SPAM1: variants seen among roughly 807,000 people sequenced by gnomAD.
SPAM1 encodes the protein hyaluronidase PH-20.
SPAM1 carries 22 observed loss-of-function variants against 29.6 expected under a neutral mutation model. The ratio of observed to expected loss-of-function variants is 0.74; its 90% CI spans 0.53 to 1.06. The LOEUF is 1.06. SPAM1 is among the 50% of genes least tolerant of loss of function. SPAM1 has a pLI of 0.00. For missense variants in SPAM1, 534 were observed against 604.0 expected, an observed-to-expected ratio of 0.88 and a Z score of 1.21; for synonymous variants, 194 against 204.6, an observed-to-expected ratio of 0.95 and a Z score of 0.44.
intron 2 of SPAM1, among the ~76,000 whole-genome samples, chr7:123,951,952 G>A (rs1486653537): frequency 6.6e-6 from 1 of 152,014 alleles, no homozygotes; most frequent in Non-Finnish European, 1.5e-5. Context: ...AAATGAACAC[G>A]TGGAAATAGA....
At chr7:123,958,500 C>G (rs1337200339) in intron 4 of SPAM1, among the ~76,000 whole-genome samples, 1 of 151,942 alleles carries the variant, frequency 6.6e-6, no homozygotes, top group East Asian at 1.9e-4. Flanking sequence ...TTCGAGCCAG[C>G]AATTTATAAG....
intron 1 of SPAM1, among the ~76,000 whole-genome samples, chr7:123,937,849 T>A (rs2117032087): frequency 6.6e-6 from 1 of 152,102 alleles, no homozygotes; most frequent in East Asian, 1.9e-4. Flanking sequence ...CCACCTCCCA[T>A]GGGCAGATGG....
chr7:123,954,367 A>G lies in SPAM1; in HGVS notation c.797A>G (p.Asn266Ser), dbSNP rs1792195625. 1.1e-5 allele frequency: 18 copies of G among 1,613,364 alleles called. No individual in the cohort carries two copies. In the East Asian group the frequency reaches 3.8e-4, roughly 34 times the overall value. The change falls in exon 3 of 5, where the codon AAC becomes AGC. Residue 266 changes from asparagine (N) to serine (S), a missense_variant. By Grantham distance (46) the Asn-to-Ser change is conservative. Transcript: ENST00000682466. ...STALYPSIYLNTQQSPVAATL... is the reference protein window; with the variant it reads ...STALYPSIYLSTQQSPVAATL... ...GCTCTTTACCCATCCATTTATTTGA[A>G]CACTCAGCAGTCTCCTGTAGCTGCT...
intron 1 of SPAM1, among the ~76,000 whole-genome samples, chr7:123,929,146 T>C (rs1008224633): frequency 3.3e-5 from 5 of 152,218 alleles, no homozygotes; most frequent in Admixed American, 2.6e-4. Flanking sequence ...TTGAGGTTAA[T>C]GCAGCATGCC....
intron 6 of SPAM1, among the ~76,000 whole-genome samples, chr7:123,970,829 A>G (rs1178487205): frequency 6.6e-6 from 1 of 151,992 alleles, no homozygotes; most frequent in African/African-American, 2.4e-5. Context: ...AAGGAAATAC[A>G]TTTTTGTTCT....
At chr7:123,962,734 T>C (rs925357809), downstream of SPAM1, among the ~76,000 whole-genome samples, 39 of 151,938 alleles carry the variant, frequency 2.6e-4, no homozygotes, top group African/African-American at 9.2e-4. Context: ...GAAATAATAC[T>C]AAGTGGAAAA....
intron 4 of SPAM1, among the ~76,000 whole-genome samples, chr7:123,955,806 C>T (rs1022454698): frequency 1.3e-5 from 2 of 151,856 alleles, no homozygotes; most frequent in Non-Finnish European, 2.9e-5. Context: ...TTAATTTGAT[C>T]TCTAATATAA....
chr7:123,935,331 C>T (rs1195265308), intron 1 of SPAM1, among the ~76,000 whole-genome samples: 1 of 152,014 alleles, frequency 6.6e-6, no homozygotes, highest in East Asian at 1.9e-4. Flanking sequence ...AAGCATTGTG[C>T]TAAGTGTTTT....
chr7:123,955,057 T>C lies in SPAM1; in HGVS notation c.1015T>C (p.Trp339Arg). 1 of 1,611,042 alleles carries C rather than the reference T, an allele frequency of 6.2e-7. No individual in the cohort carries two copies. The highest frequency in any genetic ancestry group is 8.5e-7 in the Non-Finnish European group (1 of 1,177,712). ...TCTGGGTGCTTCTGGAATTGTAATA[T>C]GGGGAACCCTCAGTATAATGCGAAG... The part of the protein sequence containing the change: ...VALGASGIVI[W>R]GTLSIMRSMK... The change falls in exon 4 of 5, where the codon TGG (tryptophan) becomes CGG (arginine). Residue 339 changes from tryptophan to arginine, a missense_variant. By Grantham distance (101) the Trp-to-Arg change is moderately radical. Transcript: ENST00000682466.
chr7:123,947,821 TTAG>T (rs773889611), intron 1 of SPAM1: 3 of 152,058 alleles, frequency 2.0e-5, no homozygotes, highest in Non-Finnish European at 4.4e-5. Context: ...ACTGCATAGC[TTAG>T]TAGGAAAAAG....
chr7:123,945,918 A>G (rs1442003462), intron 1 of SPAM1, among the ~76,000 whole-genome samples: 1 of 151,918 alleles, frequency 6.6e-6, no homozygotes, highest in Non-Finnish European at 1.5e-5. Context: ...GAGTTGGTCA[A>G]CTCTGGGACC....
chr7:123,931,645 A>T (rs1437140806), intron 1 of SPAM1, among the ~76,000 whole-genome samples: 1 of 152,200 alleles, frequency 6.6e-6, no homozygotes, highest in African/African-American at 2.4e-5. Flanking sequence ...AGGCTCCTGT[A>T]TATACACATT....
chr7:123,962,362 GT>G (rs1348633085), downstream of SPAM1, among the ~76,000 whole-genome samples: 2 of 151,898 alleles, frequency 1.3e-5, no homozygotes, highest in East Asian at 3.9e-4. Context: ...TGATTAGGTT[GT>G]TTTTTGCTGT....
chr7:123,966,036 T>C (rs1792420243), intron 5 of SPAM1, among the ~76,000 whole-genome samples: 1 of 151,970 alleles, frequency 6.6e-6, no homozygotes, highest in African/African-American at 2.4e-5. Context: ...AAAGATCTAA[T>C]ATCTGTAGTC....
chr7:123,954,973 A>G (rs1228899277), intron 3 of SPAM1, 24 bp from the exon 4 acceptor site: 1 of 1,547,904 alleles, frequency 6.5e-7, no homozygotes, highest in South Asian at 1.1e-5. Flanking sequence ...TTTATCTGCT[A>G]ACTCTTTCTG....
In SPAM1 at chr7:123,970,592, A is replaced by AAATAATAATAATAATAATAAT. The variant is rs150055865; in HGVS notation, c.*48+314_*48+315insAATAATAATAATAATAATAAT. Among the ~76,000 whole-genome samples, 681 of 146,222 alleles carry AAATAATAATAATAATAATAAT rather than the reference A, an allele frequency of 4.7e-3. 4 individuals carry two copies. The highest frequency in any genetic ancestry group is 0.017 in the African/African-American group (655 of 38,914). On this transcript the variant is annotated intron_variant, in intron 6 of 6. Transcript: ENST00000340011. The stretch of plus-strand genomic sequence containing the variant: ...CAACACAGTGAGATCCCATCTCTAC[A>AAATAATAATAATAATAATAAT]AATAATAATAATAATAATTATTATT...
At chr7:123,937,616 A>T (rs1445421735) in intron 1 of SPAM1, among the ~76,000 whole-genome samples, 2 of 151,322 alleles carry the variant, frequency 1.3e-5, no homozygotes, top group Admixed American at 1.3e-4. Flanking sequence ...AAAAAAAAAA[A>T]AGACGCTTCA....
At chr7:123,941,780 C>G (rs1165059861) in intron 1 of SPAM1, among the ~76,000 whole-genome samples, 1 of 152,148 alleles carries the variant, frequency 6.6e-6, no homozygotes, top group Non-Finnish European at 1.5e-5. Flanking sequence ...ACATTCTCCC[C>G]TTTTCTTTTA....
At chr7:123,940,557 C>G (rs1808398326) in intron 1 of SPAM1, among the ~76,000 whole-genome samples, 1 of 151,634 alleles carries the variant, frequency 6.6e-6, no homozygotes, top group South Asian at 2.1e-4. Flanking sequence ...GGTGCAGTCA[C>G]AGCTCACTGC....
Sources: gnomAD v4.1 joint callset for allele counts (sites outside exome capture counted in the v4.1 genomes callset) on GRCh38, gnomAD v4.1.1 for gene constraint, MANE v1.5 for transcripts, NCBI Gene and HGNC (gene_info 2026-07-23, HGNC 2026-07-21) for gene names.